The following GFRAL variants were observed in gnomAD, a reference collection of about 807,000 sequenced individuals.
GFRAL encodes GDNF family receptor alpha like, also known as GDNF family receptor alpha-like.
A neutral mutation model predicts 45.4 loss-of-function variants in GFRAL; 36 were observed. The ratio of observed to expected loss-of-function variants is 0.79; its 90% CI spans 0.61 to 1.05. GFRAL has a LOEUF of 1.05. Ranked by LOEUF, GFRAL falls within the 50% of genes least tolerant of loss-of-function variation. GFRAL has a pLI of 0.00. For missense variants in GFRAL, 507 were observed against 467.5 expected (o/e 1.08, Z -0.78); for synonymous variants, 166 against 154.1 (o/e 1.08, Z -0.57).
rs373608244 is a variant in GFRAL, at chr6:55,351,632, G to C, written c.701+49G>C. ...ACTTTCTTATTTCGGCACCTTATTT[G>C]TTATAGTCCAGTCCTAACACTTGAT... is the stretch of plus-strand genomic sequence containing the variant. On this transcript the variant is annotated intron_variant, in intron 5 of 8. Transcript: ENST00000340465. 757 of 1,362,934 alleles carry C rather than the reference G, an allele frequency of 5.6e-4. 2 individuals are homozygous for C. Among genetic ancestry groups the C allele is most frequent in the Non-Finnish European group, 7.1e-4 (696 of 978,676 alleles). 84.4% of individuals were successfully genotyped at this position (1,362,934 alleles called of 1,614,324 possible). A position where few individuals can be genotyped will look rare whatever the true frequency, so the allele number is the denominator to read the frequency against.
chr6:55,398,044 C>G (rs1768849894), intron 6 of GFRAL, among the ~76,000 whole-genome samples: 1 of 152,146 alleles, frequency 6.6e-6, no homozygotes, highest in African/African-American at 2.4e-5. Context: ...ATGTGGTAGG[C>G]TATACCACCC....
chr6:55,342,647 T>A (rs1050431358), intron 3 of GFRAL, among the ~76,000 whole-genome samples: 1 of 151,944 alleles, frequency 6.6e-6, no homozygotes, highest in Non-Finnish European at 1.5e-5. Context: ...GCTAACATCA[T>A]AATGACAGGA....
chr6:55,381,806 A>G (rs1033621614), intron 6 of GFRAL, among the ~76,000 whole-genome samples: 3 of 151,804 alleles, frequency 2.0e-5, no homozygotes, highest in Admixed American at 6.6e-5. Context: ...TGTGAAAGAC[A>G]TTTCCCCTGC....
chr6:55,365,921 C>A lies in GFRAL; in HGVS notation c.952+6783C>A, dbSNP rs1043513172. 8.6e-3 allele frequency among the ~76,000 whole-genome samples: 1,257 copies of A among 145,658 alleles called. 20 individuals carry two copies. The highest frequency in any genetic ancestry group is 0.031 in the African/African-American group (1,205 of 38,448). ...ATTCTCTTTTTTTGTTGTGTCCCTG[C>A]CTGGCTTTGGTATTAGAATGATGCT... On this transcript the variant is annotated intron_variant, in intron 6 of 8. Coordinates refer to ENST00000340465, the MANE Select transcript of GFRAL (RefSeq NM_207410.2).
At chr6:55,340,256 T>C (rs1384585061) in intron 3 of GFRAL, among the ~76,000 whole-genome samples, 1 of 152,186 alleles carries the variant, frequency 6.6e-6, no homozygotes, top group African/African-American at 2.4e-5. Flanking sequence ...AAAATGGTTT[T>C]CTCTCCATGC....
intron 3 of GFRAL, among the ~76,000 whole-genome samples, chr6:55,344,131 C>A (rs1008696331): frequency 2.0e-5 from 3 of 152,158 alleles, no homozygotes; most frequent in African/African-American, 7.2e-5. Flanking sequence ...TGGTACCATT[C>A]CTTCTGAAAC....
At chr6:55,358,093 A>T (rs986222884) in intron 5 of GFRAL, among the ~76,000 whole-genome samples, 22 of 151,868 alleles carry the variant, frequency 1.4e-4, no homozygotes, top group Non-Finnish European at 5.9e-5. Flanking sequence ...TTAAATATTT[A>T]ATTATTAAAA....
At chr6:55,351,216 T>G (rs1768111478) in intron 4 of GFRAL, 37 bp from the exon 5 acceptor site, 2 of 1,428,348 alleles carry the variant, frequency 1.4e-6, no homozygotes, top group Non-Finnish European at 1.9e-6. Flanking sequence ...AGCTTTGTGT[T>G]TACTTTTCCA....
intron 5 of GFRAL, among the ~76,000 whole-genome samples, chr6:55,358,645 G>A (rs759165811): frequency 1.6e-4 from 25 of 151,944 alleles, no homozygotes; most frequent in African/African-American, 3.6e-4. Flanking sequence ...AAATCCATCC[G>A]TGGAATCCTC....
intron 6 of GFRAL, among the ~76,000 whole-genome samples, chr6:55,391,708 T>C (rs61271756): frequency 0.15 from 22,408 of 152,082 alleles, 2,305 homozygotes; most frequent in African/African-American, 0.29. Context: ...TATGATTGTG[T>C]AACCTGGGCA....
chr6:55,365,657 T>G (rs1768351558), intron 6 of GFRAL, among the ~76,000 whole-genome samples: 1 of 139,914 alleles, frequency 7.1e-6, no homozygotes, highest in African/African-American at 2.8e-5. Context: ...GAAGGGTTGT[T>G]GAATTTTGTC....
chr6:55,347,920 T>C (rs1768064903), intron 3 of GFRAL, among the ~76,000 whole-genome samples: 1 of 152,144 alleles, frequency 6.6e-6, no homozygotes, highest in South Asian at 2.1e-4. Context: ...GAAACATGTT[T>C]GTCTACTAGT....
intron 6 of GFRAL, among the ~76,000 whole-genome samples, chr6:55,384,774 T>C (rs1768657489): frequency 6.6e-6 from 1 of 151,552 alleles, no homozygotes; most frequent in Non-Finnish European, 1.5e-5. Context: ...TCTTTGGTCA[T>C]GGCAGTTGGA....
intron 6 of GFRAL, among the ~76,000 whole-genome samples, chr6:55,372,229 T>C (rs1000637601): frequency 6.6e-6 from 1 of 152,194 alleles, no homozygotes; most frequent in African/African-American, 2.4e-5. Flanking sequence ...AATATTTGTG[T>C]TTCAAGACTC....
intron 2 of GFRAL, among the ~76,000 whole-genome samples, 198 bp from the exon 3 acceptor site, chr6:55,333,588 A>C (rs9475248): frequency 0.053 from 8,099 of 152,220 alleles, 864 homozygotes; most frequent in East Asian, 0.34. Flanking sequence ...TTAATATAGA[A>C]AGTACATTAT....
At chr6:55,383,815 A>C (rs917308630) in intron 6 of GFRAL, among the ~76,000 whole-genome samples, 3 of 152,010 alleles carry the variant, frequency 2.0e-5, no homozygotes, top group Non-Finnish European at 2.9e-5. Flanking sequence ...ACAAGTTCCC[A>C]GGTGATGCTG....
intron 1 of GFRAL, among the ~76,000 whole-genome samples, chr6:55,328,243 G>A (rs920220576): frequency 6.6e-6 from 1 of 151,866 alleles, no homozygotes; most frequent in Non-Finnish European, 1.5e-5. Context: ...CTATTTGCTA[G>A]ATGTGTGACT....
At chr6:55,391,637 C>A (rs531461044) in intron 6 of GFRAL, among the ~76,000 whole-genome samples, 10 of 152,118 alleles carry the variant, frequency 6.6e-5, no homozygotes, top group African/African-American at 1.2e-4. Context: ...GTAGTCCTAG[C>A]TACTCAGGAG....
At chr6:55,397,269 A>G (rs1768838497) in intron 6 of GFRAL, among the ~76,000 whole-genome samples, 1 of 139,392 alleles carries the variant, frequency 7.2e-6, no homozygotes, top group Non-Finnish European at 1.6e-5. Context: ...CTGTAATCCC[A>G]GCACTTTGGG....
Sources: allele counts gnomAD v4.1 joint callset (sites outside exome capture counted in the v4.1 genomes callset), GRCh38; gene constraint gnomAD v4.1.1; transcripts MANE v1.5; gene names NCBI Gene and HGNC (gene_info 2026-07-23, HGNC 2026-07-21).